ZDHHC7: variants seen among roughly 807,000 people sequenced by gnomAD.
The protein encoded by ZDHHC7 is zDHHC palmitoyltransferase 7.
In ZDHHC7, 12 loss-of-function variants were observed where a neutral mutation model predicts 34.1. The ratio of observed to expected loss-of-function variants is 0.35; its 90% CI spans 0.23 to 0.57. The LOEUF (loss-of-function observed/expected upper bound fraction) is 0.57, where lower values mean the gene tolerates loss of function less well. Among genes scored for constraint, ZDHHC7 ranks in the 20% least tolerant of loss-of-function variants. ZDHHC7 has a pLI of 0.84. For synonymous variants in ZDHHC7, 185 were observed against 155.4 expected (o/e 1.19, Z -1.42); for missense variants, 388 against 402.7 (o/e 0.96, Z 0.31).
chr16:84,985,976 A>AAAAAAT (rs2072431616), intron 3 of ZDHHC7, among the ~76,000 whole-genome samples: 1 of 149,548 alleles, frequency 6.7e-6, no homozygotes, highest in Non-Finnish European at 1.5e-5. Flanking sequence ...AAAAAAAAAA[A>AAAAAAT]GAATTGAGAC....
chr16:84,988,296 T>C (rs1484516602), intron 3 of ZDHHC7, among the ~76,000 whole-genome samples: 1 of 152,072 alleles, frequency 6.6e-6, no homozygotes, highest in African/African-American at 2.4e-5. Context: ...GTGGGGTTCC[T>C]TTCTGAGGTG....
At chr16:84,992,322 T>C (rs1263525988) in intron 2 of ZDHHC7, among the ~76,000 whole-genome samples, 2 of 110,480 alleles carry the variant, frequency 1.8e-5, no homozygotes, top group Admixed American at 9.7e-5. Flanking sequence ...TAAAAATTAG[T>C]CGGGCACAGT....
At chr16:84,990,830 G>GT (rs2072500403) in intron 2 of ZDHHC7, among the ~76,000 whole-genome samples, 195 bp from the exon 3 acceptor site, 2 of 151,492 alleles carry the variant, frequency 1.3e-5, no homozygotes, top group Non-Finnish European at 2.9e-5. Flanking sequence ...CTACAACACA[G>GT]TAAGTCCCAC....
intron 1 of ZDHHC7, among the ~76,000 whole-genome samples, chr16:84,998,867 C>A (rs1723354278): frequency 6.6e-6 from 1 of 150,694 alleles, no homozygotes; most frequent in South Asian, 2.1e-4. Context: ...AATTCTCTTG[C>A]CTCAGCCTCC....
chr16:84,997,493 G>C (rs894311185), intron 1 of ZDHHC7, among the ~76,000 whole-genome samples: 2 of 150,112 alleles, frequency 1.3e-5, no homozygotes, highest in African/African-American at 4.9e-5. Flanking sequence ...GAATGGTCTC[G>C]ATCTCCTGAC....
intron 3 of ZDHHC7, among the ~76,000 whole-genome samples, chr16:84,982,520 C>T (rs150334025): frequency 6.6e-6 from 1 of 152,164 alleles, no homozygotes; most frequent in African/African-American, 2.4e-5. Context: ...ACACCACTTC[C>T]CTGTAGCCCC....
chr16:84,988,653 G>T, intron 3 of ZDHHC7: 1 of 915,984 alleles, frequency 1.1e-6, no homozygotes, highest in Non-Finnish European at 1.7e-6. Flanking sequence ...TAGCTGTAGA[G>T]TCTGAGCGCA....
At position 84,974,801 on chromosome 16, in the gene ZDHHC7, C is replaced by T. The variant is rs1210439421; in HGVS notation, c.*1542G>A. 2 of 152,714 alleles carry T rather than the reference C, an allele frequency of 1.3e-5. No individual in the cohort carries two copies. The highest frequency in any genetic ancestry group is 2.9e-5 in the Non-Finnish European group (2 of 68,080). 9.5% of individuals were successfully genotyped at this position (152,714 alleles called of 1,614,324 possible). A position where few individuals can be genotyped will look rare whatever the true frequency, so the allele number is the denominator to read the frequency against. On this transcript the variant is annotated 3_prime_UTR_variant, in exon 8 of 8. Coordinates refer to ENST00000313732, the MANE Select transcript of ZDHHC7 (RefSeq NM_017740.3). ...GTGACCAAGTCCACTTCCAAACCCCCTGCAGGTTTGCTCGCTTGGCTAGGA... is the reference window on the plus strand; with the variant it reads ...GTGACCAAGTCCACTTCCAAACCCCTTGCAGGTTTGCTCGCTTGGCTAGGA...
intron 4 of ZDHHC7, among the ~76,000 whole-genome samples, chr16:84,981,137 A>G (rs932970774): frequency 1.6e-4 from 24 of 152,314 alleles, no homozygotes; most frequent in African/African-American, 5.5e-4. Context: ...ACACTTCAAC[A>G]CGTGAAATCA....
At chr16:85,007,456 A>C (rs2072733232) in intron 1 of ZDHHC7, among the ~76,000 whole-genome samples, 1 of 151,116 alleles carries the variant, frequency 6.6e-6, no homozygotes, top group Admixed American at 6.6e-5. Flanking sequence ...AATGGAATGG[A>C]ACTCAGAAGC....
At chr16:84,995,658 T>C (rs2072567537) in intron 2 of ZDHHC7, among the ~76,000 whole-genome samples, 1 of 152,142 alleles carries the variant, frequency 6.6e-6, no homozygotes, top group African/African-American at 2.4e-5. Flanking sequence ...CAAACCACTT[T>C]CCATTTCAGG....
intron 1 of ZDHHC7, among the ~76,000 whole-genome samples, chr16:85,006,151 T>A (rs1356380011): frequency 6.6e-6 from 1 of 151,978 alleles, no homozygotes; most frequent in African/African-American, 2.4e-5. Context: ...AACACTTGAG[T>A]TAAAAGACCA....
Position 85,009,223 on chromosome 16 carries a change from A to G in ZDHHC7, c.-104+2063T>C, listed in dbSNP as rs138178391. Among the ~76,000 whole-genome samples the G allele has an allele frequency of 2.8e-3, 431 of 152,184 alleles. 7 individuals carry two copies. The highest frequency in any genetic ancestry group is 9.8e-3 in the African/African-American group (408 of 41,454). ...CACCCATTTTCTTTGTTAATTTAAC[A>G]AAGATTGTATTATTTATATCAACAA... On this transcript the variant is annotated intron_variant, in intron 1 of 7. Coordinates refer to ENST00000313732, the MANE Select transcript of ZDHHC7 (RefSeq NM_017740.3).
chr16:84,976,947 C>G, intron 7 of ZDHHC7, 148 bp downstream of exon 7: 1 of 1,225,280 alleles, frequency 8.2e-7, no homozygotes, highest in Non-Finnish European at 1.1e-6. Flanking sequence ...AAAGAAACAG[C>G]AAACACAGGG....
chr16:85,016,784 C>T, the ZDHHC7 span, among the ~76,000 whole-genome samples: 1 of 151,552 alleles, frequency 6.6e-6, no homozygotes, highest in African/African-American at 2.4e-5. Flanking sequence ...ACAGAGATGC[C>T]AGCAGTGGAC....
intron 1 of ZDHHC7, among the ~76,000 whole-genome samples, chr16:85,000,484 C>T (rs925905964): frequency 3.9e-5 from 6 of 152,210 alleles, no homozygotes; most frequent in South Asian, 2.1e-4. Context: ...CTCTGGTGAT[C>T]AGTGACTACA....
rs1412532073 is a variant in ZDHHC7, at chr16:85,011,287, C to A, written c.-105G>T. On this transcript the variant is annotated splice_region_variant and 5_prime_UTR_variant, in exon 1 of 8. Transcript: ENST00000313732. ...CCCGGCCCAGCCCGCCGCACTCACC[C>A]GAGGCCCGGGCGGGGTCGCCCGGCG... 1 of 151,972 alleles carries A rather than the reference C, an allele frequency of 6.6e-6. No homozygotes were observed. Among genetic ancestry groups the A allele is most frequent in the South Asian group, 1.9e-4 (1 of 5,384 alleles). 9.4% of individuals were successfully genotyped at this position (151,972 alleles called of 1,614,324 possible). A position where few individuals can be genotyped will look rare whatever the true frequency, so the allele number is the denominator to read the frequency against.
intron 1 of ZDHHC7, among the ~76,000 whole-genome samples, chr16:84,996,225 C>T (rs1371800104): frequency 2.0e-5 from 3 of 152,142 alleles, no homozygotes; most frequent in Non-Finnish European, 4.4e-5. Flanking sequence ...TTAAATATTT[C>T]CATTTACCCT....
intron 4 of ZDHHC7, among the ~76,000 whole-genome samples, chr16:84,981,114 C>G (rs144765767): frequency 2.8e-4 from 42 of 152,292 alleles, no homozygotes; most frequent in African/African-American, 9.4e-4. Context: ...TGGAGAAATA[C>G]ACCCAGACAT....
Sources: gnomAD v4.1 joint callset for allele counts (sites outside exome capture counted in the v4.1 genomes callset) on GRCh38, gnomAD v4.1.1 for gene constraint, MANE v1.5 for transcripts, NCBI Gene and HGNC (gene_info 2026-07-23, HGNC 2026-07-21) for gene names.